Variants in KPNA5 observed in about 807,000 individuals in gnomAD.
The protein encoded by KPNA5 is importin subunit alpha-6.
KPNA5 carries 46 observed loss-of-function variants against 71.3 expected under a neutral mutation model. The observed-to-expected ratio is 0.65, with a 90% CI of 0.51 to 0.83. KPNA5 has a LOEUF of 0.83. Ranked by LOEUF, KPNA5 falls within the 40% of genes least tolerant of loss-of-function variation. The probability of loss-of-function intolerance (pLI) is 0.00; values close to 1 mark genes in which losing one functional copy is unlikely to be tolerated. For synonymous variants in KPNA5, 207 were observed against 201.4 expected (o/e 1.03, Z -0.24); for missense variants, 547 against 628.3 (o/e 0.87, Z 1.38).
rs781085502 is a variant in KPNA5 at position 116,702,001 on chromosome 6, C to T, written c.436-18C>T. 11 of 1,596,896 alleles carry T rather than the reference C, an allele frequency of 6.9e-6. No homozygotes were observed. Among genetic ancestry groups the T allele is most frequent in the South Asian group, 1.2e-5 (1 of 86,832 alleles). ...TTCTTTGGTTCTTTCATTTATTTTA[C>T]CTTTTTTTTCTTCTTAGTTTGAAGC... On this transcript the variant is annotated intron_variant, in intron 5 of 13. Coordinates refer to ENST00000368564, the MANE Select transcript of KPNA5 (RefSeq NM_001366306.2).
chr6:116,690,142 C>T (rs535055152), intron 2 of KPNA5, among the ~76,000 whole-genome samples: 1 of 145,934 alleles, frequency 6.9e-6, no homozygotes, highest in Non-Finnish European at 1.5e-5. Context: ...GCTATGTTGC[C>T]CAGGCTGGTA....
chr6:116,723,922 A>G (rs1479066373), intron 9 of KPNA5, among the ~76,000 whole-genome samples: 3 of 152,210 alleles, frequency 2.0e-5, no homozygotes, highest in Non-Finnish European at 4.4e-5. Flanking sequence ...CAGTACCAAT[A>G]TAATGGGAAA....
At chr6:116,715,332 A>C (rs1778847140) in intron 7 of KPNA5, among the ~76,000 whole-genome samples, 1 of 152,162 alleles carries the variant, frequency 6.6e-6, no homozygotes, top group South Asian at 2.1e-4. Flanking sequence ...CCACAACTCT[A>C]AAAGTTTCAA....
At chr6:116,725,140 T>C (rs1479016694) in intron 10 of KPNA5, among the ~76,000 whole-genome samples, 2 of 152,216 alleles carry the variant, frequency 1.3e-5, no homozygotes, top group Non-Finnish European at 2.9e-5. Flanking sequence ...TCTAGACATA[T>C]ACTGTAATTT....
At chr6:116,703,864 A>G (rs1027436899) in intron 6 of KPNA5, among the ~76,000 whole-genome samples, 1 of 152,254 alleles carries the variant, frequency 6.6e-6, no homozygotes, top group East Asian at 1.9e-4. Context: ...TTGCATTTGC[A>G]TAATTTCTTA....
At chr6:116,692,766 G>A (rs542667712) in intron 4 of KPNA5, among the ~76,000 whole-genome samples, 48 of 151,896 alleles carry the variant, frequency 3.2e-4, no homozygotes, top group Admixed American at 6.6e-4. Context: ...TTAAGTTTTA[G>A]GGTACATGTG....
intron 8 of KPNA5, 144 bp from the exon 9 acceptor site, chr6:116,721,982 C>G (rs1033546648): frequency 1.9e-6 from 1 of 527,362 alleles, no homozygotes; most frequent in Non-Finnish European, 3.2e-6. Context: ...ATTCATACAT[C>G]TGATTATAAT....
intron 1 of KPNA5, among the ~76,000 whole-genome samples, chr6:116,686,346 G>GGC (rs1445480363): frequency 1.3e-5 from 2 of 152,104 alleles, no homozygotes; most frequent in Non-Finnish European, 2.9e-5. Flanking sequence ...CTGCATGTAT[G>GGC]TCCTTTGAAA....
At chr6:116,704,955 G>A in intron 6 of KPNA5, 117 bp from the exon 7 acceptor site, 3 of 616,704 alleles carry the variant, frequency 4.9e-6, no homozygotes, top group Non-Finnish European at 8.2e-6. Flanking sequence ...CTTTTCTACT[G>A]TTTTTTTTTA....
At chr6:116,699,322 A>G (rs765580282) in intron 5 of KPNA5, among the ~76,000 whole-genome samples, 9 of 152,124 alleles carry the variant, frequency 5.9e-5, no homozygotes, top group Non-Finnish European at 1.3e-4. Flanking sequence ...TTTGCTACTA[A>G]TGGAAATTTA....
rs1018088059 is a variant in KPNA5, at chr6:116,738,460, A to G, written c.*6137A>G. On this transcript the variant is annotated 3_prime_UTR_variant, in exon 14 of 14. Coordinates refer to ENST00000368564, the MANE Select transcript of KPNA5 (RefSeq NM_001366306.2). ...GTACCATTCCTTCTGAAACTATTCC[A>G]ATCAATAGAAAAAGAGGGAATCCTC... is the stretch of plus-strand genomic sequence containing the variant. 5.9e-5 allele frequency: 9 copies of G among 152,240 alleles called. No individual in the cohort carries two copies. The highest frequency in any genetic ancestry group is 1.3e-4 in the Admixed American group (2 of 15,282). The allele number at this position is 152,240 out of a possible 1,614,324, so 9.4% of individuals were successfully genotyped here.
intron 6 of KPNA5, 152 bp downstream of exon 6, chr6:116,702,302 G>A: frequency 1.3e-6 from 1 of 760,926 alleles, no homozygotes; most frequent in Non-Finnish European, 2.1e-6. Context: ...TTAGAAGGGA[G>A]GAAGAATGAA....
At chr6:116,714,619 A>G (rs1465450476) in intron 7 of KPNA5, among the ~76,000 whole-genome samples, 1 of 152,098 alleles carries the variant, frequency 6.6e-6, no homozygotes. Flanking sequence ...TCATAGCCCA[A>G]GTATCTTACT....
intron 1 of KPNA5, among the ~76,000 whole-genome samples, chr6:116,682,083 G>T: frequency 6.6e-6 from 1 of 151,802 alleles, no homozygotes; most frequent in East Asian, 1.9e-4. Flanking sequence ...TGGCTAACAC[G>T]GTGAAACCTC....
chr6:116,731,056 A>G (rs1336071925), intron 13 of KPNA5, among the ~76,000 whole-genome samples: 2 of 152,122 alleles, frequency 1.3e-5, no homozygotes, highest in Non-Finnish European at 2.9e-5. Flanking sequence ...TTGCCTCCAC[A>G]GAGATTTGAT....
At chr6:116,696,039 A>G (rs889310876) in intron 4 of KPNA5, among the ~76,000 whole-genome samples, 6 of 152,058 alleles carry the variant, frequency 3.9e-5, no homozygotes, top group African/African-American at 1.2e-4. Context: ...AAGCCTTTAT[A>G]TGTCTAAATA....
intron 12 of KPNA5, among the ~76,000 whole-genome samples, chr6:116,727,239 C>A (rs1045368137): frequency 2.0e-5 from 3 of 151,852 alleles, no homozygotes; most frequent in African/African-American, 7.3e-5. Context: ...GTCATTTAAC[C>A]CCTCTAATCT....
intron 5 of KPNA5, 54 bp from the exon 6 acceptor site, chr6:116,701,965 C>G: frequency 3.2e-6 from 5 of 1,558,444 alleles, no homozygotes; most frequent in Non-Finnish European, 4.4e-6. Context: ...CCTTCTTTGC[C>G]TTTCTGACAA....
chr6:116,732,661 C>T lies in KPNA5; in HGVS notation c.*338C>T, dbSNP rs1779541475. 6.4e-6 allele frequency: 1 copy of T among 155,536 alleles called. No homozygotes were observed. The highest frequency in any genetic ancestry group is 2.4e-5 in the African/African-American group (1 of 41,478). The allele number at this position is 155,536 out of a possible 1,614,324, so 9.6% of individuals were successfully genotyped here. A position where few individuals can be genotyped will look rare whatever the true frequency, so the allele number is the denominator to read the frequency against. On this transcript the variant is annotated 3_prime_UTR_variant, in exon 14 of 14. Transcript: ENST00000368564. Reference sequence around the variant, plus strand: ...CTTAGTAATTCTGAATTTTTTCAAGCATTCTTGGAAACTGCACATTAGCAG... The same window carrying T: ...CTTAGTAATTCTGAATTTTTTCAAGTATTCTTGGAAACTGCACATTAGCAG...
Sources: allele counts gnomAD v4.1 joint callset (sites outside exome capture counted in the v4.1 genomes callset), GRCh38; gene constraint gnomAD v4.1.1; transcripts MANE v1.5; gene names NCBI Gene and HGNC (gene_info 2026-07-23, HGNC 2026-07-21).